Variants in FBXL7 observed in about 807,000 individuals in gnomAD.
FBXL7 encodes F-box and leucine rich repeat protein 7.
Under a neutral mutation model 38.3 loss-of-function variants are expected in FBXL7, and 12 were observed. The ratio of observed to expected loss-of-function variants is 0.31; its 90% confidence interval spans 0.20 to 0.51. The LOEUF (loss-of-function observed/expected upper bound fraction) is 0.51, where lower values mean the gene tolerates loss of function less well. Ranked by LOEUF, FBXL7 falls within the 20% of genes least tolerant of loss-of-function variation. The probability of loss-of-function intolerance (pLI) is 0.98; values close to 1 mark genes in which losing one functional copy is unlikely to be tolerated. For synonymous variants in FBXL7, 297 were observed against 300.9 expected, an observed-to-expected ratio of 0.99 and a Z score of 0.13; for missense variants, 567 against 676.4, an observed-to-expected ratio of 0.84 and a Z score of 1.79.
intron 1 of FBXL7, among the ~76,000 whole-genome samples, chr5:15,612,195 T>C (rs1245867677): frequency 2.0e-5 from 3 of 149,940 alleles, no homozygotes; most frequent in East Asian, 2.0e-4. Flanking sequence ...ATCTGTAGTG[T>C]TGCGATTTCA....
chr5:15,587,468 T>C (rs1038727912), intron 1 of FBXL7, among the ~76,000 whole-genome samples: 2 of 152,228 alleles, frequency 1.3e-5, no homozygotes. Context: ...ATTCCATGTT[T>C]ATTTATTTTT....
intron 2 of FBXL7, among the ~76,000 whole-genome samples, chr5:15,884,321 C>A (rs1230394098): frequency 6.6e-6 from 1 of 151,834 alleles, no homozygotes; most frequent in Non-Finnish European, 1.5e-5. Context: ...GGCTGGAGTG[C>A]AGTGGTGCGA....
rs537267396 is a variant in FBXL7, at chr5:15,830,265, C to A, written c.128-97625C>A. ...TTGGGAGGCCAAGGCGGGCAGATCA[C>A]TTGAGGTCAGGAGTTCGAGACCAGC... On this transcript the variant is annotated intron_variant, in intron 2 of 3. Transcript: ENST00000504595. Among the ~76,000 whole-genome samples, 256 of 152,210 alleles carry A rather than the reference C, an allele frequency of 1.7e-3. 1 individual carries two copies. Among genetic ancestry groups the A allele is most frequent in the Non-Finnish European group, 2.6e-3 (177 of 68,010 alleles).
chr5:15,885,419 A>G (rs1358958413), intron 2 of FBXL7, among the ~76,000 whole-genome samples: 1 of 152,148 alleles, frequency 6.6e-6, no homozygotes, highest in Non-Finnish European at 1.5e-5. Flanking sequence ...GAGACACACC[A>G]CTGCATCCAA....
chr5:15,688,308 A>G (rs1244615432), intron 2 of FBXL7, among the ~76,000 whole-genome samples: 1 of 152,248 alleles, frequency 6.6e-6, no homozygotes, highest in African/African-American at 2.4e-5. Flanking sequence ...CAGTACAAAG[A>G]TAAGGGTATT....
intron 2 of FBXL7, among the ~76,000 whole-genome samples, chr5:15,686,822 T>A (rs1366033444): frequency 6.6e-6 from 1 of 152,172 alleles, no homozygotes; most frequent in Non-Finnish European, 1.5e-5. Flanking sequence ...CTTCTTAAGT[T>A]TCAATGGATT....
At chr5:15,915,702 G>A (rs556020259) in intron 2 of FBXL7, among the ~76,000 whole-genome samples, 5 of 152,128 alleles carry the variant, frequency 3.3e-5, no homozygotes, top group African/African-American at 1.2e-4. Context: ...GCTAGTCAAG[G>A]TTTTGATGCC....
chr5:15,839,056 T>C (rs569244147), intron 2 of FBXL7, among the ~76,000 whole-genome samples: 3 of 152,110 alleles, frequency 2.0e-5, no homozygotes, highest in Non-Finnish European at 4.4e-5. Context: ...GGACTGCTTC[T>C]TCATACACTT....
intron 2 of FBXL7, among the ~76,000 whole-genome samples, chr5:15,701,193 T>C (rs1420639957): frequency 1.3e-5 from 2 of 152,168 alleles, no homozygotes; most frequent in East Asian, 1.9e-4. Context: ...TCCAGGTTTC[T>C]AGGAGTCACG....
chr5:15,645,594 C>T lies in FBXL7; in HGVS notation c.127+29522C>T, dbSNP rs145099487. ...CGTGGGCACATGTCATCAGGACTTCCTGAGGCTGAGTCACGGGCACATGTC... is the reference window on the plus strand; with the variant it reads ...CGTGGGCACATGTCATCAGGACTTCTTGAGGCTGAGTCACGGGCACATGTC... On this transcript the variant is annotated intron_variant, in intron 2 of 3. Transcript: ENST00000504595. Among the ~76,000 whole-genome samples the T allele has an allele frequency of 3.3e-3, 508 of 152,306 alleles. 3 individuals carry two copies. Among genetic ancestry groups the T allele is most frequent in the African/African-American group, 0.012 (494 of 41,572 alleles).
intron 1 of FBXL7, among the ~76,000 whole-genome samples, chr5:15,533,592 AC>A (rs1414628023): frequency 8.5e-5 from 13 of 152,340 alleles, no homozygotes; most frequent in African/African-American, 3.1e-4. Flanking sequence ...AACAAAAATC[AC>A]ATCAGAATAT....
chr5:15,672,446 T>G (rs1742509329), intron 2 of FBXL7, among the ~76,000 whole-genome samples: 1 of 152,212 alleles, frequency 6.6e-6, no homozygotes, highest in Admixed American at 6.5e-5. Flanking sequence ...GTGTTTTCAT[T>G]TAGTTTCTAA....
chr5:15,912,476 A>ATT (rs1741460421), intron 2 of FBXL7, among the ~76,000 whole-genome samples: 5 of 149,592 alleles, frequency 3.3e-5, no homozygotes, highest in Non-Finnish European at 5.9e-5. Flanking sequence ...TGCAGAAATC[A>ATT]CCCGTCTTCT....
chr5:15,649,776 C>G (rs1741646585), intron 2 of FBXL7, among the ~76,000 whole-genome samples: 1 of 151,454 alleles, frequency 6.6e-6, no homozygotes, highest in Admixed American at 6.6e-5. Context: ...GTTCATTGCT[C>G]ATTCACTTGT....
intron 2 of FBXL7, among the ~76,000 whole-genome samples, chr5:15,855,629 G>A: frequency 6.6e-6 from 1 of 152,192 alleles, no homozygotes; most frequent in South Asian, 2.1e-4. Flanking sequence ...AAAAATCTTT[G>A]TAGAGAAATA....
intron 2 of FBXL7, among the ~76,000 whole-genome samples, chr5:15,882,093 C>T (rs554587862): frequency 3.9e-5 from 6 of 152,162 alleles, no homozygotes; most frequent in South Asian, 2.1e-4. Flanking sequence ...ACTATCGTGA[C>T]GACAGCACCA....
intron 2 of FBXL7, among the ~76,000 whole-genome samples, chr5:15,754,621 T>G (rs1561113385): frequency 1.3e-5 from 2 of 152,242 alleles, no homozygotes; most frequent in South Asian, 4.1e-4. Flanking sequence ...AATGTAGCTT[T>G]TTATACCAAT....
At chr5:15,867,638 T>A in intron 2 of FBXL7, among the ~76,000 whole-genome samples, 1 of 152,226 alleles carries the variant, frequency 6.6e-6, no homozygotes, top group South Asian at 2.1e-4. Flanking sequence ...CAGATTGAAT[T>A]AAGGTTACTG....
chr5:15,840,546 A>G (rs1738717541), intron 2 of FBXL7, among the ~76,000 whole-genome samples: 1 of 152,154 alleles, frequency 6.6e-6, no homozygotes, highest in Non-Finnish European at 1.5e-5. Context: ...GAATATGATA[A>G]ATATTGCTAT....
Sources: gnomAD v4.1 joint callset for allele counts (sites outside exome capture counted in the v4.1 genomes callset) on GRCh38, gnomAD v4.1.1 for gene constraint, MANE v1.5 for transcripts, NCBI Gene and HGNC (gene_info 2026-07-23, HGNC 2026-07-21) for gene names.